KLHDC4: variants seen among roughly 807,000 people sequenced by gnomAD.
KLHDC4 encodes the protein kelch domain-containing protein 4.
Under a neutral mutation model 62.4 loss-of-function variants are expected in KLHDC4, and 90 were observed. The ratio of observed to expected loss-of-function variants is 1.44; its 90% CI spans 1.22 to 1.72. The LOEUF is 1.72. Ranked by LOEUF, KLHDC4 falls within the 40% of genes most tolerant of loss-of-function variation. The pLI, the probability that KLHDC4 is intolerant of heterozygous loss-of-function variation, is 0.00. For missense variants in KLHDC4, 1,025 were observed against 699.7 expected (o/e 1.47, Z -5.25); for synonymous variants, 386 against 284.4 (o/e 1.36, Z -3.59).
intron 5 of KLHDC4, among the ~76,000 whole-genome samples, chr16:87,736,626 C>T (rs986702045): frequency 6.6e-6 from 1 of 152,142 alleles, no homozygotes; most frequent in Non-Finnish European, 1.5e-5. Flanking sequence ...AAAGACAGGG[C>T]ACTTAATCAC....
At chr16:87,720,628 C>T (rs374595558) in intron 7 of KLHDC4, among the ~76,000 whole-genome samples, 6 of 152,252 alleles carry the variant, frequency 3.9e-5, no homozygotes, top group African/African-American at 9.6e-5. Flanking sequence ...GGACCCATGA[C>T]GAGAGGACCC....
intron 7 of KLHDC4, among the ~76,000 whole-genome samples, chr16:87,717,547 T>C (rs1444371120): frequency 6.6e-6 from 1 of 152,228 alleles, no homozygotes; most frequent in East Asian, 1.9e-4. Flanking sequence ...CTGGGTCTCT[T>C]TTGTTCTCCT....
chr16:87,735,041 C>T (rs184170931), intron 5 of KLHDC4, among the ~76,000 whole-genome samples: 1 of 138,484 alleles, frequency 7.2e-6, no homozygotes, highest in Non-Finnish European at 1.5e-5. Context: ...CCCCCTCCCC[C>T]CCAGACGAAT....
exon 1 of KLHDC4, chr16:87,702,396 C>G (rs891670647): frequency 1.5e-5 from 6 of 400,676 alleles, no homozygotes; most frequent in Non-Finnish European, 2.5e-5. Flanking sequence ...CAGTGCCTGG[C>G]CCGTCCTGCA....
chr16:87,700,663 AGAGGGCGGAGGGAGGAGGTTG>A (rs751100118), exon 1 of KLHDC4: 2,741 of 166,166 alleles, frequency 0.016, 95 homozygotes, highest in East Asian at 0.049. Context: ...GGAGGAGGGC[AGAGGGCGGAGGGAGGAGGTTG>A]GAGGGCGGAG....
chr16:87,701,152 G>C (rs1281846613), exon 1 of KLHDC4: 3 of 180,526 alleles, frequency 1.7e-5, no homozygotes, highest in African/African-American at 7.4e-5. Flanking sequence ...GTGGGGGGTG[G>C]GTGCTGGAAA....
chr16:87,709,129 T>C (rs868125173), intron 10 of KLHDC4, 136 bp downstream of exon 10: 2 of 1,125,414 alleles, frequency 1.8e-6, no homozygotes, highest in Non-Finnish European at 2.5e-6. Context: ...AATCTGACCG[T>C]GGAGGCAGGA....
intron 6 of KLHDC4, chr16:87,729,240 AG>A (rs2039910090): frequency 6.6e-6 from 1 of 152,264 alleles, no homozygotes; most frequent in Non-Finnish European, 1.5e-5. Flanking sequence ...CTGTAATCCC[AG>A]CACTCTGGGA....
chr16:87,759,377 C>T (rs750232837), intron 2 of KLHDC4, among the ~76,000 whole-genome samples: 1 of 151,062 alleles, frequency 6.6e-6, no homozygotes. Context: ...GAGATCGCGC[C>T]ATAGCACTCC....
chr16:87,713,618 G>C (rs868540149), intron 8 of KLHDC4, among the ~76,000 whole-genome samples: 5 of 152,106 alleles, frequency 3.3e-5, no homozygotes, highest in Non-Finnish European at 5.9e-5. Flanking sequence ...AGGTCTGTGA[G>C]AACTGACGGG....
Position 87,755,291 on chromosome 16 carries a change from G to T in KLHDC4, c.272C>A (p.Thr91Asn). The stretch of plus-strand genomic sequence containing the variant: ...GACATAGAGCTCGTTATACAAAAAA[G>T]TCTACAGGAAGGAAGAAGAATGTCA... Reference protein sequence around the residue: ...FGGEYFNGQKTFLYNELYVYN... With the variant: ...FGGEYFNGQKNFLYNELYVYN... The change falls in exon 4 of 12, where the codon ACT (threonine) becomes AAT (asparagine). Residue 91 changes from threonine to asparagine, a missense_variant and splice_region_variant. Coordinates refer to ENST00000270583, the MANE Select transcript of KLHDC4 (RefSeq NM_017566.4). The T allele has an allele frequency of 1.3e-6, 2 of 1,563,880 alleles. No individual in the cohort carries two copies. The highest frequency in any genetic ancestry group is 1.8e-6 in the Non-Finnish European group (2 of 1,135,122).
intron 5 of KLHDC4, among the ~76,000 whole-genome samples, chr16:87,743,759 G>C (rs1567778097): frequency 1.3e-5 from 2 of 151,812 alleles, no homozygotes; most frequent in Non-Finnish European, 1.5e-5. Flanking sequence ...AAAAATAAAA[G>C]TAAATAAATA....
chr16:87,760,495 T>G (rs1012330507), intron 2 of KLHDC4, among the ~76,000 whole-genome samples: 8 of 149,838 alleles, frequency 5.3e-5, no homozygotes, highest in African/African-American at 2.0e-4. Context: ...TAGTCCCAGC[T>G]ACTTGGCAGG....
intron 5 of KLHDC4, 125 bp downstream of exon 5, chr16:87,748,548 C>T: frequency 1.6e-6 from 2 of 1,248,020 alleles, no homozygotes; most frequent in Non-Finnish European, 1.1e-6. Flanking sequence ...CGAGGCTGGG[C>T]TCCAGGACTG....
intron 4 of KLHDC4, among the ~76,000 whole-genome samples, chr16:87,749,889 TATGA>T (rs1343818716): frequency 6.6e-6 from 1 of 152,162 alleles, no homozygotes; most frequent in Non-Finnish European, 1.5e-5. Flanking sequence ...TACGTGACAT[TATGA>T]ATGATTAATA....
intron 2 of KLHDC4, among the ~76,000 whole-genome samples, chr16:87,760,153 C>A (rs1034616709): frequency 1.3e-5 from 2 of 151,488 alleles, no homozygotes; most frequent in African/African-American, 4.9e-5. Context: ...ACCCAGGGAA[C>A]TGCCAACACC....
At chr16:87,729,559 CT>C (rs1197352195) in intron 6 of KLHDC4, among the ~76,000 whole-genome samples, 1 of 152,232 alleles carries the variant, frequency 6.6e-6, no homozygotes, top group Admixed American at 6.5e-5. Flanking sequence ...CTGTGTCTTG[CT>C]TTTCTGGACT....
intron 5 of KLHDC4, among the ~76,000 whole-genome samples, chr16:87,745,128 C>T (rs769891238): frequency 1.3e-5 from 2 of 152,186 alleles, no homozygotes; most frequent in African/African-American, 4.8e-5. Context: ...TCAGGGGACA[C>T]GCACATTTAA....
At chr16:87,721,777 C>T (rs747407372) in intron 7 of KLHDC4, among the ~76,000 whole-genome samples, 2 of 152,236 alleles carry the variant, frequency 1.3e-5, no homozygotes, top group Non-Finnish European at 2.9e-5. Context: ...GAGAACAGCC[C>T]TCTCCTGGTT....
Sources: allele counts gnomAD v4.1 joint callset (sites outside exome capture counted in the v4.1 genomes callset), GRCh38; gene constraint gnomAD v4.1.1; transcripts MANE v1.5; gene names NCBI Gene and HGNC (gene_info 2026-07-23, HGNC 2026-07-21).